The following SFI1 variants were observed in gnomAD, a reference collection of about 807,000 sequenced individuals.
SFI1 encodes the protein SFI1 centrin binding protein, also known as protein SFI1 homolog.
Under a neutral mutation model 207.5 loss-of-function variants are expected in SFI1, and 195 were observed. The observed-to-expected ratio is 0.94, with a 90% CI of 0.84 to 1.06. The LOEUF (loss-of-function observed/expected upper bound fraction) is 1.06. SFI1 is among the 50% of genes least tolerant of loss of function. The pLI, the probability that SFI1 is intolerant of heterozygous loss-of-function variation, is 0.00. For missense variants in SFI1, 1,634 were observed against 1,588.0 expected, an observed-to-expected ratio of 1.03 and a Z score of -0.49; for synonymous variants, 630 against 598.9, an observed-to-expected ratio of 1.05 and a Z score of -0.76.
chr22:31,599,894 T>G (rs1056215740), intron 15 of SFI1, among the ~76,000 whole-genome samples: 3 of 151,658 alleles, frequency 2.0e-5, no homozygotes, highest in Non-Finnish European at 4.4e-5. Context: ...TTTTTTTTTT[T>G]AAGAAATAAA....
chr22:31,556,192 AAAT>A (rs1237723194), intron 6 of SFI1, among the ~76,000 whole-genome samples: 1 of 151,866 alleles, frequency 6.6e-6, no homozygotes, highest in Non-Finnish European at 1.5e-5. Context: ...GGAAAACTTT[AAAT>A]ATCTATACAA....
chr22:31,546,615 C>T lies in SFI1; in HGVS notation c.339-246C>T, dbSNP rs2060104570. 2.7e-5 allele frequency among the ~76,000 whole-genome samples: 4 copies of T among 150,942 alleles called. No individual in the cohort carries two copies. In the South Asian group the frequency reaches 6.3e-4, roughly 24 times the overall value. ...GATTACAGGTGTGAGGCACTGCGCC[C>T]GACCGATGTTTACTTTTTTTTTTTT... is the stretch of plus-strand genomic sequence containing the variant. On this transcript the variant is annotated intron_variant, in intron 4 of 32. Coordinates refer to ENST00000400288, the MANE Select transcript of SFI1 (RefSeq NM_001007467.3).
At chr22:31,568,194 T>G (rs7284948) in intron 8 of SFI1, among the ~76,000 whole-genome samples, 19 of 92,548 alleles carry the variant, frequency 2.1e-4, no homozygotes, top group African/African-American at 7.9e-4. Flanking sequence ...TGTGTGTGTG[T>G]TGTGTGTGTG....
chr22:31,539,010 G>A (rs1344933149), intron 4 of SFI1, among the ~76,000 whole-genome samples: 1 of 152,170 alleles, frequency 6.6e-6, no homozygotes, highest in African/African-American at 2.4e-5. Flanking sequence ...CTCTCAGTGA[G>A]TGGAAACTCC....
At chr22:31,508,654 T>C (rs1332918108) in intron 2 of SFI1, among the ~76,000 whole-genome samples, 5 of 152,332 alleles carry the variant, frequency 3.3e-5, no homozygotes, top group South Asian at 2.1e-4. Flanking sequence ...TTTGAAGTTA[T>C]ATCATCCAGG....
At chr22:31,574,512 A>C (rs907066131) in intron 9 of SFI1, among the ~76,000 whole-genome samples, 1 of 152,256 alleles carries the variant, frequency 6.6e-6, no homozygotes, top group Non-Finnish European at 1.5e-5. Context: ...CAGCGTGGCA[A>C]CTGAATTTTA....
chr22:31,609,782 C>T (rs2069741281), intron 22 of SFI1, among the ~76,000 whole-genome samples: 2 of 152,212 alleles, frequency 1.3e-5, no homozygotes, highest in Admixed American at 6.5e-5. Flanking sequence ...AGAAAGAAGC[C>T]GAGGGCTTTA....
In SFI1 at chr22:31,614,426, T is replaced by C. The variant is rs2070989487; in HGVS notation, c.2997-363T>C. Reference sequence around the variant, plus strand: ...TCGGGGGAGATGTCAGGTGGGTGCATGGGGCCTGGGTCCCGGTCCCTGCTG... The same window carrying C: ...TCGGGGGAGATGTCAGGTGGGTGCACGGGGCCTGGGTCCCGGTCCCTGCTG... On this transcript the variant is annotated intron_variant, in intron 27 of 32. Coordinates refer to ENST00000400288, the MANE Select transcript of SFI1 (RefSeq NM_001007467.3). The C allele has an allele frequency of 1.7e-5, 7 of 419,338 alleles. No homozygotes were observed. In the East Asian group the frequency reaches 4.0e-4, roughly 24 times the overall value. 26.0% of individuals were successfully genotyped at this position (419,338 alleles called of 1,614,324 possible). A position where few individuals can be genotyped will look rare whatever the true frequency, so the allele number is the denominator to read the frequency against.
intron 19 of SFI1, 123 bp downstream of exon 19, chr22:31,604,527 C>A: frequency 1.2e-6 from 1 of 851,754 alleles, no homozygotes; most frequent in African/African-American, 1.7e-5. Flanking sequence ...CACCTCAAAC[C>A]AAGCAGGTGC....
intron 24 of SFI1, chr22:31,612,888 T>A: frequency 1.9e-6 from 1 of 515,180 alleles, no homozygotes; most frequent in Non-Finnish European, 3.5e-6. Context: ...TCCCCGGACC[T>A]CAGGCCGCTG....
At position 31,557,978 on chromosome 22, in the gene SFI1, C is replaced by T. The variant is rs369348754; in HGVS notation, c.662+919C>T. ...CCTGAATGGTAATATATTAATAATT[C>T]ACTTCCTGCCTGAAAGTTGGGTATT... is the stretch of plus-strand genomic sequence containing the variant. On this transcript the variant is annotated intron_variant, in intron 7 of 32. Transcript: ENST00000400288. 1.9e-4 allele frequency among the ~76,000 whole-genome samples: 29 copies of T among 152,298 alleles called. 3 individuals are homozygous for T. The highest frequency in any genetic ancestry group is 1.5e-3 in the Admixed American group (23 of 15,276).
At chr22:31,598,153 A>ATT (rs554085241) in intron 15 of SFI1, among the ~76,000 whole-genome samples, 1 of 138,176 alleles carries the variant, frequency 7.2e-6, no homozygotes, top group Non-Finnish European at 1.6e-5. Context: ...AATTTTTTGT[A>ATT]TTTTTTTTTT....
At position 31,568,667 on chromosome 22, in the gene SFI1, T is replaced by C. The variant is rs576002076; in HGVS notation, c.766-4391T>C. ...AGGGCTTTTTAGAGAAATGGCTGAT[T>C]ATAGGTCCGGGGCAGGAAATAGACA... On this transcript the variant is annotated intron_variant, in intron 8 of 32. Transcript: ENST00000400288. Among the ~76,000 whole-genome samples, 20 of 151,900 alleles carry C rather than the reference T, an allele frequency of 1.3e-4. No homozygotes were observed. The South Asian group carries it at 3.1e-3, about 24-fold the overall frequency.
chr22:31,604,715 C>G, intron 19 of SFI1, 154 bp from the exon 20 acceptor site: 1 of 640,506 alleles, frequency 1.6e-6, no homozygotes, highest in Admixed American at 3.2e-5. Context: ...CTGGGAGGGT[C>G]TGCTGGCCCT....
At chr22:31,515,212 AATGATTT>A (rs2056315743) in intron 2 of SFI1, among the ~76,000 whole-genome samples, 3 of 152,074 alleles carry the variant, frequency 2.0e-5, no homozygotes, top group African/African-American at 7.2e-5. Context: ...TTTGCTAGAT[AATGATTT>A]TCTGAATTGT....
intron 4 of SFI1, among the ~76,000 whole-genome samples, chr22:31,544,818 A>T (rs893167312): frequency 4.6e-5 from 7 of 152,156 alleles, no homozygotes; most frequent in African/African-American, 1.2e-4. Context: ...ATATTAAAAA[A>T]TTTTTAACCT....
At chr22:31,591,026 G>GC (rs1404268511) in intron 15 of SFI1, among the ~76,000 whole-genome samples, 1 of 150,218 alleles carries the variant, frequency 6.7e-6, no homozygotes, top group Non-Finnish European at 1.5e-5. Context: ...GGGGGATTTG[G>GC]CAGGGTCATG....
chr22:31,550,186 C>G, intron 5 of SFI1, 68 bp from the exon 6 acceptor site: 1 of 1,243,326 alleles, frequency 8.0e-7, no homozygotes, highest in South Asian at 1.3e-5. Context: ...GCTAGGGTTA[C>G]AGGTGTGAGC....
Position 31,616,727 on chromosome 22 carries a change from C to T in SFI1, c.3301-18C>T. On this transcript the variant is annotated intron_variant, in intron 29 of 32. Transcript: ENST00000400288. ...TCCTAGCTTCCTTGCTCAGCATCTA[C>T]CCTTCTTTCCTTTGCAGGTGTCAGC... is the stretch of plus-strand genomic sequence containing the variant. The T allele has an allele frequency of 4.6e-6, 7 of 1,523,010 alleles. No individual in the cohort carries two copies. Among genetic ancestry groups the T allele is most frequent in the Non-Finnish European group, 6.2e-6 (7 of 1,138,188 alleles). 94.3% of individuals were successfully genotyped at this position (1,523,010 alleles called of 1,614,324 possible).
Sources: gnomAD v4.1 joint callset for allele counts (sites outside exome capture counted in the v4.1 genomes callset) on GRCh38, gnomAD v4.1.1 for gene constraint, MANE v1.5 for transcripts, NCBI Gene and HGNC (gene_info 2026-07-23, HGNC 2026-07-21) for gene names.